The following MEF2C variants were observed in gnomAD, a reference collection of about 807,000 sequenced individuals.
MEF2C encodes myocyte enhancer factor 2C, also known as myocyte-specific enhancer factor 2C.
Under a neutral mutation model 50.5 loss-of-function variants are expected in MEF2C, and 6 were observed. The ratio of observed to expected loss-of-function variants is 0.12; its 90% CI spans 0.07 to 0.23. The LOEUF (loss-of-function observed/expected upper bound fraction) is 0.23, where lower values mean the gene tolerates loss of function less well. Ranked by LOEUF, MEF2C falls within the 10% of genes least tolerant of loss-of-function variation. MEF2C has a pLI of 1.00. For missense variants in MEF2C, 276 were observed against 605.0 expected, an observed-to-expected ratio of 0.46 and a Z score of 5.70; for synonymous variants, 183 against 228.0, an observed-to-expected ratio of 0.80 and a Z score of 1.78.
chr5:88,751,736 TA>T, intron 5 of MEF2C, 120 bp downstream of exon 5: 1 of 1,200,716 alleles, frequency 8.3e-7, no homozygotes, highest in Non-Finnish European at 1.2e-6. Context: ...GGGTGGATGG[TA>T]AGCCATGAAG....
chr5:88,858,078 A>G (rs1824118989), intron 1 of MEF2C, among the ~76,000 whole-genome samples: 1 of 152,226 alleles, frequency 6.6e-6, no homozygotes, highest in Non-Finnish European at 1.5e-5. Flanking sequence ...TTTTCTTCCT[A>G]TTAATTTAAT....
chr5:88,899,981 T>G (rs1220212609), intron 1 of MEF2C, among the ~76,000 whole-genome samples: 2 of 152,112 alleles, frequency 1.3e-5, no homozygotes, highest in African/African-American at 4.8e-5. Flanking sequence ...TATTTTAAGC[T>G]TTACCCCATC....
chr5:88,754,990 C>T (rs997530027), intron 4 of MEF2C, among the ~76,000 whole-genome samples: 1 of 152,134 alleles, frequency 6.6e-6, no homozygotes, highest in Non-Finnish European at 1.5e-5. Flanking sequence ...CTCTTGGAAG[C>T]CCACGCTGAC....
chr5:88,813,482 T>C (rs1490287749), intron 2 of MEF2C, among the ~76,000 whole-genome samples: 1 of 152,028 alleles, frequency 6.6e-6, no homozygotes, highest in East Asian at 1.9e-4. Flanking sequence ...GCCCCATTCA[T>C]AAAGTCACCT....
intron 1 of MEF2C, among the ~76,000 whole-genome samples, chr5:88,852,485 T>C (rs1358621737): frequency 6.6e-6 from 1 of 152,214 alleles, no homozygotes; most frequent in Non-Finnish European, 1.5e-5. Context: ...AAGTATACTG[T>C]ACAACAATAA....
chr5:88,773,395 T>G (rs1783293067), intron 3 of MEF2C, among the ~76,000 whole-genome samples: 1 of 152,124 alleles, frequency 6.6e-6, no homozygotes, highest in Non-Finnish European at 1.5e-5. Flanking sequence ...TCCTCGTACA[T>G]AAACTTAAAT....
intron 2 of MEF2C, among the ~76,000 whole-genome samples, chr5:88,812,708 A>C (rs146402519): frequency 4.3e-4 from 65 of 152,220 alleles, no homozygotes; most frequent in Non-Finnish European, 7.2e-4. Context: ...CCTATTTTTC[A>C]GATGAATACC....
At chr5:88,743,140 T>A (rs1482919427) in intron 6 of MEF2C, 5 of 924,496 alleles carry the variant, frequency 5.4e-6, no homozygotes, top group East Asian at 2.3e-4. Flanking sequence ...AATAATATTT[T>A]AAAAATAATA....
At chr5:88,797,504 T>A in intron 3 of MEF2C, among the ~76,000 whole-genome samples, 1 of 123,022 alleles carries the variant, frequency 8.1e-6, no homozygotes, top group African/African-American at 3.0e-5. Context: ...GCTTGGTAAA[T>A]ATTCATCCAT....
chr5:88,807,361 C>T (rs745628217), intron 2 of MEF2C, among the ~76,000 whole-genome samples: 1 of 152,126 alleles, frequency 6.6e-6, no homozygotes, highest in East Asian at 1.9e-4. Context: ...GTAGCTGGTA[C>T]TACAGGCGTG....
intron 6 of MEF2C, chr5:88,734,221 C>T (rs1214031803): frequency 3.0e-6 from 3 of 985,292 alleles, no homozygotes; most frequent in South Asian, 9.4e-5. Flanking sequence ...CTGCTCTATA[C>T]TTTGCTGTCA....
At chr5:88,808,199 T>C (rs1206840395) in intron 2 of MEF2C, among the ~76,000 whole-genome samples, 1 of 152,214 alleles carries the variant, frequency 6.6e-6, no homozygotes, top group Non-Finnish European at 1.5e-5. Flanking sequence ...AATTTTGATA[T>C]GAAAATGTAC....
intron 1 of MEF2C, chr5:88,825,623 T>C (rs1810532762): frequency 2.0e-6 from 2 of 984,790 alleles, no homozygotes; most frequent in Non-Finnish European, 2.4e-6. Flanking sequence ...AATTGCATCA[T>C]ATATTTGATG....
intron 1 of MEF2C, among the ~76,000 whole-genome samples, chr5:88,896,944 T>TACACACACAC (rs58754057): frequency 0.026 from 3,917 of 150,550 alleles, 69 homozygotes; most frequent in African/African-American, 0.046. Flanking sequence ...TCAGTAAAGC[T>TACACACACAC]ACACACACAC....
At chr5:88,742,504 A>C in intron 6 of MEF2C, 1 of 979,082 alleles carries the variant, frequency 1.0e-6, no homozygotes, top group Non-Finnish European at 1.2e-6. Flanking sequence ...TTTACTGTAG[A>C]TATAGAAGGA....
At chr5:88,831,581 T>C (rs1246728243) in intron 1 of MEF2C, among the ~76,000 whole-genome samples, 1 of 152,014 alleles carries the variant, frequency 6.6e-6, no homozygotes, top group Non-Finnish European at 1.5e-5. Context: ...GCTAGATAAA[T>C]CATCTGTTAT....
intron 4 of MEF2C, chr5:88,752,591 C>A: frequency 1.0e-6 from 1 of 982,352 alleles, no homozygotes; most frequent in Non-Finnish European, 1.2e-6. Flanking sequence ...TTTTAACATA[C>A]AAGATTCAAC....
rs141818553 is a variant in MEF2C at position 88,844,574 on chromosome 5, A to G, written c.-142-20644T>C. 505 of 721,458 alleles carry G rather than the reference A, an allele frequency of 7.0e-4. 6 individuals are homozygous for G. The African/African-American group carries it at 9.3e-3, about 13-fold the overall frequency. The allele number at this position is 721,458 out of a possible 1,614,324, so 44.7% of individuals were successfully genotyped here. ...GGTTTTTTGTTACCACTCTTTGAAA[A>G]CTGGGAAAATATACTGCTATTTGTA... On this transcript the variant is annotated intron_variant, in intron 1 of 10. Transcript: ENST00000504921.
At chr5:88,852,420 GTC>G (rs1046246200) in intron 1 of MEF2C, among the ~76,000 whole-genome samples, 1 of 152,140 alleles carries the variant, frequency 6.6e-6, no homozygotes, top group African/African-American at 2.4e-5. Flanking sequence ...CAGAGTAGTG[GTC>G]TCTCTATTTA....
Sources: allele counts gnomAD v4.1 joint callset (sites outside exome capture counted in the v4.1 genomes callset), GRCh38; gene constraint gnomAD v4.1.1; transcripts MANE v1.5; gene names NCBI Gene and HGNC (gene_info 2026-07-23, HGNC 2026-07-21).